The following CYS1 variants were observed in gnomAD, a reference collection of about 807,000 sequenced individuals.
CYS1 encodes cystin-1.
Under a neutral mutation model 9.6 loss-of-function variants are expected in CYS1, and 5 were observed. That is an observed-to-expected ratio of 0.52 (90% confidence interval 0.27 to 1.10). The LOEUF is 1.10. CYS1 is among the 50% of genes least tolerant of loss of function. CYS1 has a pLI of 0.11. For missense variants in CYS1, 221 were observed against 207.9 expected (o/e 1.06, Z -0.39); for synonymous variants, 88 against 95.7 (o/e 0.92, Z 0.47).
At chr2:10,064,616 C>T (rs190775920) in intron 2 of CYS1, among the ~76,000 whole-genome samples, 240 of 152,324 alleles carry the variant, frequency 1.6e-3, no homozygotes, top group Middle Eastern at 6.8e-3. Context: ...CCTCCTACCA[C>T]CCCCACCTGT....
chr2:10,079,222 C>T (rs1661902694), intron 1 of CYS1, among the ~76,000 whole-genome samples: 1 of 152,114 alleles, frequency 6.6e-6, no homozygotes, highest in African/African-American at 2.4e-5. Flanking sequence ...CCCAGGAAGG[C>T]ATCTTCCTCG....
At chr2:10,079,095 G>C (rs1053937379) in intron 1 of CYS1, among the ~76,000 whole-genome samples, 1 of 152,186 alleles carries the variant, frequency 6.6e-6, no homozygotes, top group African/African-American at 2.4e-5. Flanking sequence ...AAGACCGTAA[G>C]GGAGAGGAGC....
At chr2:10,064,068 C>A (rs1661663323) in intron 2 of CYS1, among the ~76,000 whole-genome samples, 2 of 152,022 alleles carry the variant, frequency 1.3e-5, no homozygotes, top group Non-Finnish European at 2.9e-5. Context: ...ACAAAAAATA[C>A]AAAAATTAGC....
intron 1 of CYS1, among the ~76,000 whole-genome samples, chr2:10,073,209 G>C (rs1263512910): frequency 2.2e-4 from 28 of 129,968 alleles, no homozygotes; most frequent in Non-Finnish European, 2.8e-4. Context: ...TCTGGGAACC[G>C]CCCCCCCCCC....
chr2:10,078,105 CAA>C (rs35316392), intron 1 of CYS1, among the ~76,000 whole-genome samples: 186 of 135,572 alleles, frequency 1.4e-3, no homozygotes, highest in Admixed American at 1.9e-3. Context: ...AACTCCGTTT[CAA>C]AAAAAAAAAA....
At chr2:10,073,081 C>T (rs1418122711) in intron 1 of CYS1, among the ~76,000 whole-genome samples, 3 of 132,442 alleles carry the variant, frequency 2.3e-5, no homozygotes, top group African/African-American at 5.9e-5. Context: ...CATGGGGGGG[C>T]GGTGCAGGCT....
intron 1 of CYS1, among the ~76,000 whole-genome samples, chr2:10,079,256 G>A (rs1661903548): frequency 6.6e-6 from 1 of 152,070 alleles, no homozygotes; most frequent in South Asian, 2.1e-4. Context: ...GCTAAGCAAA[G>A]CCTCCCGGGC....
rs1263248403 is a variant in CYS1 at position 10,057,310 on chromosome 2, C to A, written c.*1543G>T. ...GGGGAGGGTTTGAGCCACGCCCTTG[C>A]GGGGGCCGCTCCAAGCTCTGACTTC... On this transcript the variant is annotated 3_prime_UTR_variant, in exon 3 of 3. Transcript: ENST00000381813. The A allele has an allele frequency of 1.3e-5, 2 of 152,246 alleles. No individual in the cohort carries two copies. Among genetic ancestry groups the A allele is most frequent in the Non-Finnish European group, 2.9e-5 (2 of 68,036 alleles). 9.4% of individuals were successfully genotyped at this position (152,246 alleles called of 1,614,324 possible). A position where few individuals can be genotyped will look rare whatever the true frequency, so the allele number is the denominator to read the frequency against.
In CYS1 at chr2:10,057,358, C is replaced by G. The variant is rs1661564661; in HGVS notation, c.*1495G>C. ...TTCAAAAGTTGGAGTTTCCCAGCTG[C>G]GAACAGCTGGTCAAAGGCACTCTCA... On this transcript the variant is annotated 3_prime_UTR_variant, in exon 3 of 3. Transcript: ENST00000381813. 1 of 152,264 alleles carries G rather than the reference C, an allele frequency of 6.6e-6. No homozygotes were observed. The highest frequency in any genetic ancestry group is 6.5e-5 in the Admixed American group (1 of 15,286). 9.4% of individuals were successfully genotyped at this position (152,264 alleles called of 1,614,324 possible).
rs573485948 is a variant in CYS1 at position 10,062,487 on chromosome 2, C to A, written c.371+3417G>T. Among the ~76,000 whole-genome samples, 83 of 152,098 alleles carry A rather than the reference C, an allele frequency of 5.5e-4. 2 individuals carry two copies. Among genetic ancestry groups the A allele is most frequent in the African/African-American group, 1.9e-3 (80 of 41,496 alleles). ...GCGATCTCGGCTCATTGCAACCTCC[C>A]CATCATGGGTGCAAGGGATTCTCCT... On this transcript the variant is annotated intron_variant, in intron 2 of 2. Transcript: ENST00000381813.
intron 2 of CYS1, among the ~76,000 whole-genome samples, chr2:10,059,830 C>T (rs1028770920): frequency 6.6e-6 from 1 of 152,276 alleles, no homozygotes; most frequent in African/African-American, 2.4e-5. Context: ...CCCGCCAGTC[C>T]CTCAGCCCAC....
intron 1 of CYS1, among the ~76,000 whole-genome samples, chr2:10,073,600 G>T (rs962569696): frequency 2.0e-5 from 3 of 152,058 alleles, no homozygotes. Context: ...TTGGGCAGGG[G>T]GCTGCTTTCC....
chr2:10,077,315 C>G (rs1011838872), intron 1 of CYS1, among the ~76,000 whole-genome samples: 7 of 152,142 alleles, frequency 4.6e-5, no homozygotes, highest in African/African-American at 1.4e-4. Flanking sequence ...AAAAACAAAA[C>G]ATAATATTCA....
At chr2:10,074,108 C>T (rs771605465) in intron 1 of CYS1, among the ~76,000 whole-genome samples, 6 of 152,004 alleles carry the variant, frequency 3.9e-5, no homozygotes, top group South Asian at 2.1e-4. Context: ...CCCATCCACA[C>T]GCTCTCCCTC....
intron 2 of CYS1, among the ~76,000 whole-genome samples, chr2:10,059,939 C>T (rs996496499): frequency 2.6e-5 from 4 of 152,278 alleles, no homozygotes; most frequent in Non-Finnish European, 5.9e-5. Context: ...CTGGCTTGTC[C>T]TGCTCTCCCA....
Position 10,058,802 on chromosome 2 carries a change from C to A in CYS1, c.*51G>T. ...TAGAGCTCTGTGCAAGCAGAGGGTG[C>A]CCCAGCCAGCAGGTGCCTCCGAGGC... On this transcript the variant is annotated 3_prime_UTR_variant, in exon 3 of 3. Transcript: ENST00000381813. The A allele has an allele frequency of 6.8e-7, 1 of 1,468,940 alleles. No individual in the cohort carries two copies. Among genetic ancestry groups the A allele is most frequent in the Non-Finnish European group, 9.2e-7 (1 of 1,086,712 alleles). 91.0% of individuals were successfully genotyped at this position (1,468,940 alleles called of 1,614,324 possible).
At chr2:10,068,655 G>T (rs1661724840) in intron 1 of CYS1, among the ~76,000 whole-genome samples, 1 of 152,138 alleles carries the variant, frequency 6.6e-6, no homozygotes, top group South Asian at 2.1e-4. Flanking sequence ...GTAAATAGGT[G>T]TACACGATTA....
Position 10,058,815 on chromosome 2 carries a change from G to C in CYS1, c.*38C>G. The stretch of plus-strand genomic sequence containing the variant: ...AAGCAGAGGGTGCCCCAGCCAGCAG[G>C]TGCCTCCGAGGCCTGGCGGGGGTGG... On this transcript the variant is annotated 3_prime_UTR_variant, in exon 3 of 3. Coordinates refer to ENST00000381813, the MANE Select transcript of CYS1 (RefSeq NM_001037160.3). 4 of 1,513,560 alleles carry C rather than the reference G, an allele frequency of 2.6e-6. No individual in the cohort carries two copies. Among genetic ancestry groups the C allele is most frequent in the Non-Finnish European group, 3.6e-6 (4 of 1,121,680 alleles). The allele number at this position is 1,513,560 out of a possible 1,614,324, so 93.8% of individuals were successfully genotyped here. A position where few individuals can be genotyped will look rare whatever the true frequency, so the allele number is the denominator to read the frequency against.
intron 2 of CYS1, among the ~76,000 whole-genome samples, chr2:10,059,223 G>C (rs1456091040): frequency 6.6e-6 from 1 of 152,276 alleles, no homozygotes; most frequent in African/African-American, 2.4e-5. Context: ...CTCTGGGGTG[G>C]GAAGACCGAG....
Sources: gnomAD v4.1 joint callset for allele counts (sites outside exome capture counted in the v4.1 genomes callset) on GRCh38, gnomAD v4.1.1 for gene constraint, MANE v1.5 for transcripts, NCBI Gene and HGNC (gene_info 2026-07-23, HGNC 2026-07-21) for gene names.